PCDHGA8: variants seen among roughly 807,000 people sequenced by gnomAD.
PCDHGA8 encodes the protein protocadherin gamma-A8.
Under a neutral mutation model 59.2 loss-of-function variants are expected in PCDHGA8, and 45 were observed. The ratio of observed to expected loss-of-function variants is 0.76; its 90% CI spans 0.60 to 0.98. The LOEUF (loss-of-function observed/expected upper bound fraction) is 0.98. Ranked by LOEUF, PCDHGA8 falls within the 50% of genes least tolerant of loss-of-function variation. The pLI, the probability that PCDHGA8 is intolerant of heterozygous loss-of-function variation, is 0.00. For synonymous variants in PCDHGA8, 531 were observed against 519.0 expected, an observed-to-expected ratio of 1.02 and a Z score of -0.32; for missense variants, 1,257 against 1,196.2, an observed-to-expected ratio of 1.05 and a Z score of -0.75.
intron 1 of PCDHGA8, among the ~76,000 whole-genome samples, chr5:141,461,231 T>C (rs1042368465): frequency 6.6e-5 from 10 of 152,068 alleles, no homozygotes; most frequent in African/African-American, 2.4e-4. Context: ...TCCATAGAGG[T>C]TGTACTAATT....
chr5:141,452,748 A>G (rs2098748275), intron 1 of PCDHGA8, among the ~76,000 whole-genome samples: 1 of 152,058 alleles, frequency 6.6e-6, no homozygotes, highest in Admixed American at 6.6e-5. Flanking sequence ...GAGAGAAGGA[A>G]GAAGGAAGGG....
Position 141,485,665 on chromosome 5 carries a change from C to G in PCDHGA8, c.2425-9142C>G. ...AGGCTCAGGATGCAGATGTGGGGAG[C>G]AATTCGATTAGCAGCTATAGGCTGA... On this transcript the variant is annotated intron_variant, in intron 1 of 3. Coordinates refer to ENST00000398604, the MANE Select transcript of PCDHGA8 (RefSeq NM_032088.2). This position sits in a 1 kb window ranked among gnomAD's most constrained non-coding sequence, Gnocchi z 5.7. 1 of 1,612,622 alleles carries G rather than the reference C, an allele frequency of 6.2e-7. No individual in the cohort carries two copies.
intron 1 of PCDHGA8, chr5:141,403,407 A>T (rs2094404225): frequency 6.2e-7 from 1 of 1,613,940 alleles, no homozygotes. Context: ...GGAGCACGTT[A>T]TCCACTTCCA....
chr5:141,404,860 T>G (rs3749769), intron 1 of PCDHGA8: 7 of 1,613,630 alleles, frequency 4.3e-6, no homozygotes, highest in Admixed American at 1.7e-5. Context: ...TAGATAGAGA[T>G]GCGCTCAAAC....
Position 141,432,244 on chromosome 5 carries a change from C to T in PCDHGA8, c.2424+37007C>T. 1 of 1,614,262 alleles carries T rather than the reference C, an allele frequency of 6.2e-7. No homozygotes were observed. Among genetic ancestry groups the T allele is most frequent in the Non-Finnish European group, 8.5e-7 (1 of 1,180,048 alleles). On this transcript the variant is annotated intron_variant, in intron 1 of 3. Coordinates refer to ENST00000398604, the MANE Select transcript of PCDHGA8 (RefSeq NM_032088.2). The surrounding 1 kb of genome is among the most constrained non-coding windows in gnomAD (Gnocchi z 6.0). ...TCACTTATTCCCTGGCTGAGAACAC[C>T]ATCCAAGGGGCAAGCCTATCGTCCT...
chr5:141,413,833 G>A (rs917295013), intron 1 of PCDHGA8: 1 of 1,613,276 alleles, frequency 6.2e-7, no homozygotes, highest in Non-Finnish European at 8.5e-7. Context: ...CACCGCCTCC[G>A]ACGGGGGTGA....
chr5:141,483,730 T>G (rs999201456), intron 1 of PCDHGA8, among the ~76,000 whole-genome samples: 1 of 152,014 alleles, frequency 6.6e-6, no homozygotes, highest in Non-Finnish European at 1.5e-5. Flanking sequence ...CCCACCATAG[T>G]CAAAAGGATA....
chr5:141,405,704 C>T (rs1589592020), intron 1 of PCDHGA8, among the ~76,000 whole-genome samples: 1 of 152,286 alleles, frequency 6.6e-6, no homozygotes, highest in East Asian at 1.9e-4. Context: ...TCTTGAATTC[C>T]TAACCTCAAG....
intron 1 of PCDHGA8, chr5:141,428,129 C>T (rs1449809875): frequency 1.2e-6 from 2 of 1,603,336 alleles, no homozygotes; most frequent in Non-Finnish European, 1.7e-6. Context: ...CCGGGCTTTT[C>T]AGCCTGGGGC....
intron 1 of PCDHGA8, chr5:141,396,033 C>T (rs191318626): frequency 1.3e-5 from 2 of 152,280 alleles, no homozygotes; most frequent in East Asian, 3.9e-4. Context: ...TATGTAAGAA[C>T]ATATTTCAAT....
chr5:141,398,505 T>A (rs1561664724), intron 1 of PCDHGA8: 7 of 1,598,768 alleles, frequency 4.4e-6, no homozygotes, highest in Non-Finnish European at 6.0e-6. Context: ...TCGAGGACAT[T>A]AATGACCACA....
At position 141,392,809 on chromosome 5, in the gene PCDHGA8, C is replaced by T; in HGVS notation, c.-5C>T. ...ATTCTGAGAGGATTCTGCAGCAAAA[C>T]AACAATGGCCGCTCCACAGAGTCGC... On this transcript the variant is annotated 5_prime_UTR_variant, in exon 1 of 4. Coordinates refer to ENST00000398604, the MANE Select transcript of PCDHGA8 (RefSeq NM_032088.2). 6.3e-7 allele frequency: 1 copy of T among 1,578,772 alleles called. No individual in the cohort carries two copies. The highest frequency in any genetic ancestry group is 1.4e-5 in the African/African-American group (1 of 73,682).
rs756525217 is a variant in PCDHGA8, at chr5:141,402,958, A to T, written c.2424+7721A>T. On this transcript the variant is annotated intron_variant, in intron 1 of 3. Coordinates refer to ENST00000398604, the MANE Select transcript of PCDHGA8 (RefSeq NM_032088.2). Reference sequence around the variant, plus strand: ...AATTCCAAAGCGAGGCAGCAATGGCAGCTCCAACCAAATGCCAGCTCCGCG... The same window carrying T: ...AATTCCAAAGCGAGGCAGCAATGGCTGCTCCAACCAAATGCCAGCTCCGCG... 48 of 1,602,110 alleles carry T rather than the reference A, an allele frequency of 3.0e-5. 1 individual carries two copies. The highest frequency in any genetic ancestry group is 8.5e-7 in the Non-Finnish European group (1 of 1,173,862).
intron 1 of PCDHGA8, chr5:141,410,304 T>C (rs1232480024): frequency 6.2e-7 from 1 of 1,614,024 alleles, no homozygotes; most frequent in Non-Finnish European, 8.5e-7. Context: ...TTAATCTCAG[T>C]GCTCTTCCTC....
chr5:141,414,537 T>C (rs2095757230), intron 1 of PCDHGA8: 1 of 1,613,978 alleles, frequency 6.2e-7, no homozygotes, highest in Non-Finnish European at 8.5e-7. Flanking sequence ...ACAACCCACC[T>C]ACCTTCTCTC....
At chr5:141,508,440 T>C (rs2099868879) in intron 3 of PCDHGA8, among the ~76,000 whole-genome samples, 1 of 152,186 alleles carries the variant, frequency 6.6e-6, no homozygotes, top group African/African-American at 2.4e-5. Context: ...CACAGTTCCT[T>C]AGTGGCAGAG....
chr5:141,457,172 T>C (rs1425263344), intron 1 of PCDHGA8, among the ~76,000 whole-genome samples: 1 of 152,212 alleles, frequency 6.6e-6, no homozygotes, highest in East Asian at 1.9e-4. Context: ...ATAACCCTAT[T>C]GCAAATAGTA....
At chr5:141,422,789 TC>T (rs1561803924) in intron 1 of PCDHGA8, 44 of 1,614,158 alleles carry the variant, frequency 2.7e-5, no homozygotes, top group Non-Finnish European at 3.6e-5. Context: ...CTACAATCCT[TC>T]GACTATGAGC....
At chr5:141,459,735 T>A (rs114520602) in intron 1 of PCDHGA8, among the ~76,000 whole-genome samples, 1 of 152,374 alleles carries the variant, frequency 6.6e-6, no homozygotes, top group Non-Finnish European at 1.5e-5. Flanking sequence ...GTCAATTTTT[T>A]AAATTTTAGC....
Sources: gnomAD v4.1 joint callset for allele counts (sites outside exome capture counted in the v4.1 genomes callset) on GRCh38, gnomAD v4.1.1 for gene constraint, Gnocchi (gnomAD v3.1) non-coding constraint, MANE v1.5 for transcripts, NCBI Gene and HGNC (gene_info 2026-07-23, HGNC 2026-07-21) for gene names.